ATF6: variants seen among roughly 807,000 people sequenced by gnomAD.
The protein encoded by ATF6 is activating transcription factor 6.
A neutral mutation model predicts 83.6 loss-of-function variants in ATF6; 53 were observed. The observed-to-expected ratio is 0.63, with a 90% CI of 0.51 to 0.80. ATF6 has a LOEUF of 0.80. Among genes scored for constraint, ATF6 ranks in the 30% least tolerant of loss-of-function variants. The pLI, the probability that ATF6 is intolerant of heterozygous loss-of-function variation, is 0.00. For missense variants in ATF6, 744 were observed against 797.9 expected (o/e 0.93, Z 0.81); for synonymous variants, 288 against 285.8 (o/e 1.01, Z -0.08).
chr1:161,834,697 G>A (rs1330141582), intron 9 of ATF6, among the ~76,000 whole-genome samples: 1 of 151,772 alleles, frequency 6.6e-6, no homozygotes, highest in Non-Finnish European at 1.5e-5. Context: ...AATGGGTGCA[G>A]CACACCAACA....
chr1:161,821,871 G>A (rs1443162608), intron 9 of ATF6, among the ~76,000 whole-genome samples: 2 of 152,176 alleles, frequency 1.3e-5, no homozygotes, highest in African/African-American at 2.4e-5. Flanking sequence ...GGTAATAAAT[G>A]AGAGTCTGAA....
intron 9 of ATF6, among the ~76,000 whole-genome samples, chr1:161,831,664 A>G (rs1686063945): frequency 6.6e-6 from 1 of 152,094 alleles, no homozygotes; most frequent in Admixed American, 6.5e-5. Flanking sequence ...ATGAATCTGG[A>G]AACCATCATT....
intron 14 of ATF6, among the ~76,000 whole-genome samples, chr1:161,867,993 T>C (rs968499059): frequency 6.6e-6 from 1 of 152,206 alleles, no homozygotes; most frequent in African/African-American, 2.4e-5. Flanking sequence ...TAGGGACTTA[T>C]TGTAAGTTAT....
At chr1:161,899,327 C>T (rs375504369) in intron 14 of ATF6, among the ~76,000 whole-genome samples, 10 of 152,310 alleles carry the variant, frequency 6.6e-5, no homozygotes, top group Admixed American at 2.0e-4. Flanking sequence ...CTCTACAAGC[C>T]CATTTGAAAT....
chr1:161,916,394 A>G (rs1205929825), intron 15 of ATF6, among the ~76,000 whole-genome samples: 1 of 152,230 alleles, frequency 6.6e-6, no homozygotes, highest in Non-Finnish European at 1.5e-5. Context: ...CTATCTATGT[A>G]CACTCACCAG....
chr1:161,880,440 C>G (rs1687297943), intron 14 of ATF6, among the ~76,000 whole-genome samples: 2 of 151,460 alleles, frequency 1.3e-5, no homozygotes, highest in Admixed American at 6.6e-5. Flanking sequence ...GTTTCTCATG[C>G]CCCTTTGTAA....
intron 2 of ATF6, 39 bp downstream of exon 2, chr1:161,778,359 C>T (rs991455223): frequency 1.3e-6 from 2 of 1,510,904 alleles, no homozygotes; most frequent in East Asian, 2.3e-5. Flanking sequence ...GATATTTAGT[C>T]TTTAACCCTA....
intron 9 of ATF6, among the ~76,000 whole-genome samples, chr1:161,829,300 T>C (rs989256542): frequency 6.8e-6 from 1 of 147,812 alleles, no homozygotes; most frequent in Non-Finnish European, 1.5e-5. Flanking sequence ...CCCGGGTTCA[T>C]GCATAATGGG....
chr1:161,939,809 G>C (rs4657124), intron 15 of ATF6, among the ~76,000 whole-genome samples: 95,941 of 152,088 alleles, frequency 0.63, 32,046 homozygotes, highest in Non-Finnish European at 0.75. Context: ...TGAGTCACAT[G>C]ATGATAACTT....
chr1:161,831,237 A>G (rs1686052437), intron 9 of ATF6, among the ~76,000 whole-genome samples: 1 of 152,264 alleles, frequency 6.6e-6, no homozygotes, highest in Admixed American at 6.5e-5. Flanking sequence ...AATCAAAACC[A>G]CAATGAGATA....
chr1:161,850,454 C>A (rs118005021), intron 10 of ATF6, among the ~76,000 whole-genome samples: 12 of 152,138 alleles, frequency 7.9e-5, no homozygotes, highest in Non-Finnish European at 1.3e-4. Flanking sequence ...ATCTCCTTCT[C>A]GGACCATTTT....
intron 14 of ATF6, among the ~76,000 whole-genome samples, chr1:161,906,636 A>G (rs1483213588): frequency 3.3e-5 from 5 of 152,204 alleles, no homozygotes; most frequent in South Asian, 2.1e-4. Context: ...CCTTGCCAGC[A>G]TTATCAGATT....
intron 14 of ATF6, among the ~76,000 whole-genome samples, chr1:161,863,844 T>A (rs1287052797): frequency 2.0e-5 from 3 of 152,368 alleles, no homozygotes; most frequent in African/African-American, 7.2e-5. Flanking sequence ...AGTTAGCTTA[T>A]GTAAAAGTAA....
chr1:161,951,284 A>G (rs1306136131), intron 15 of ATF6, among the ~76,000 whole-genome samples: 2 of 152,228 alleles, frequency 1.3e-5, no homozygotes, highest in Non-Finnish European at 2.9e-5. Flanking sequence ...ACAAGGTCTT[A>G]ACAAAGTATT....
At chr1:161,830,277 A>G (rs1686019836) in intron 9 of ATF6, among the ~76,000 whole-genome samples, 1 of 152,226 alleles carries the variant, frequency 6.6e-6, no homozygotes, top group South Asian at 2.1e-4. Context: ...ACTACAAACC[A>G]CTGCTCAATG....
intron 7 of ATF6, among the ~76,000 whole-genome samples, chr1:161,809,868 G>A (rs1037449421): frequency 7.9e-5 from 12 of 151,954 alleles, no homozygotes; most frequent in East Asian, 1.9e-4. Context: ...CATATCTTTC[G>A]CCCACTTTTT....
intron 14 of ATF6, among the ~76,000 whole-genome samples, chr1:161,865,716 T>TA (rs1686981936): frequency 6.6e-6 from 1 of 152,220 alleles, no homozygotes; most frequent in South Asian, 2.1e-4. Flanking sequence ...ATTTTCAAAT[T>TA]ACTGATTTAT....
intron 15 of ATF6, among the ~76,000 whole-genome samples, chr1:161,951,633 T>A (rs937666793): frequency 6.6e-6 from 1 of 152,190 alleles, no homozygotes; most frequent in Admixed American, 6.5e-5. Flanking sequence ...TAATTACACT[T>A]TGTAACAGAT....
intron 11 of ATF6, among the ~76,000 whole-genome samples, chr1:161,852,855 C>A (rs1034033330): frequency 6.6e-6 from 1 of 152,140 alleles, no homozygotes; most frequent in Non-Finnish European, 1.5e-5. Flanking sequence ...TGGGCTCAAG[C>A]AGTCTTCCCA....
Sources: gnomAD v4.1 joint callset for allele counts (sites outside exome capture counted in the v4.1 genomes callset) on GRCh38, gnomAD v4.1.1 for gene constraint, MANE v1.5 for transcripts, NCBI Gene and HGNC (gene_info 2026-07-23, HGNC 2026-07-21) for gene names.